Variants in SYT7 observed in about 807,000 individuals in gnomAD.
The protein encoded by SYT7 is synaptotagmin 7.
In SYT7, 29 loss-of-function variants were observed where a neutral mutation model predicts 75.1. The observed-to-expected ratio is 0.39, with a 90% CI of 0.29 to 0.53. The LOEUF is 0.53. Ranked by LOEUF, SYT7 falls within the 20% of genes least tolerant of loss-of-function variation. SYT7 has a pLI of 0.77. For synonymous variants in SYT7, 376 were observed against 401.7 expected (o/e 0.94, Z 0.76); for missense variants, 693 against 953.2 (o/e 0.73, Z 3.59).
chr11:61,527,143 G>A (rs969114380), intron 9 of SYT7, among the ~76,000 whole-genome samples: 1 of 152,156 alleles, frequency 6.6e-6, no homozygotes, highest in Non-Finnish European at 1.5e-5. Context: ...GGGCTTGCAG[G>A]AGAGAGAAAG....
In SYT7 at chr11:61,516,560, T is replaced by C. The variant is rs1590802765; in HGVS notation, c.*2067A>G. The C allele has an allele frequency of 6.6e-6, 1 of 151,450 alleles. No homozygotes were observed. Among genetic ancestry groups the C allele is most frequent in the Non-Finnish European group, 1.5e-5 (1 of 67,852 alleles). 9.4% of individuals were successfully genotyped at this position (151,450 alleles called of 1,614,324 possible). ...AACCGAGGCGGATCCAAGAGAGGAG[T>C]GGAGAAGGGCAGATCCCCTCCTCCG... On this transcript the variant is annotated 3_prime_UTR_variant, in exon 13 of 13. Transcript: ENST00000539008. The surrounding 1 kb of genome is among the most constrained non-coding windows in gnomAD (Gnocchi z 4.6).
rs1489632909 is a variant in SYT7 at position 61,546,642 on chromosome 11, C to T, written c.348-387G>A. On this transcript the variant is annotated intron_variant, in intron 4 of 12. Transcript: ENST00000539008. The surrounding 1 kb of genome is among the most constrained non-coding windows in gnomAD (Gnocchi z 7.6). ...ATCCCACAGGACAACGAAGGGTTAA[C>T]GACGGAGGAAGAGCGGGCTGTCCAG... 6.4e-6 allele frequency: 3 copies of T among 467,186 alleles called. No homozygotes were observed. The highest frequency in any genetic ancestry group is 4.6e-5 in the South Asian group (3 of 64,658). The allele number at this position is 467,186 out of a possible 1,614,324, so 28.9% of individuals were successfully genotyped here.
Position 61,551,516 on chromosome 11 carries a change from A to T in SYT7, c.136-53T>A. The T allele has an allele frequency of 6.4e-7, 1 of 1,563,066 alleles. No individual in the cohort carries two copies. The highest frequency in any genetic ancestry group is 8.8e-7 in the Non-Finnish European group (1 of 1,137,674). On this transcript the variant is annotated intron_variant, in intron 2 of 12. Transcript: ENST00000539008. This position sits in a 1 kb window ranked among gnomAD's most constrained non-coding sequence, Gnocchi z 5.3. ...TGGGGAACAGGACTGTACCCTCCCT[A>T]CCTCCCCAGAACAGGGACCCGGAGG...
chr11:61,578,860 C>A (rs2064157196), intron 1 of SYT7, among the ~76,000 whole-genome samples: 1 of 152,220 alleles, frequency 6.6e-6, no homozygotes, highest in Non-Finnish European at 1.5e-5. Context: ...GGTCCCGCAG[C>A]TGCAACTGGG....
chr11:61,537,916 C>A, intron 7 of SYT7, among the ~76,000 whole-genome samples: 1 of 152,198 alleles, frequency 6.6e-6, no homozygotes, highest in African/African-American at 2.4e-5. Context: ...GAGAGCAGGC[C>A]TGATCCAGAA....
At position 61,514,617 on chromosome 11, in the gene SYT7, G is replaced by A. The variant is rs1481082391; in HGVS notation, c.*4010C>T. Among the ~76,000 whole-genome samples, 1 of 152,200 alleles carries A rather than the reference G, an allele frequency of 6.6e-6. No individual in the cohort carries two copies. The highest frequency in any genetic ancestry group is 1.5e-5 in the Non-Finnish European group (1 of 68,038). On this transcript the variant is annotated 3_prime_UTR_variant, in exon 13 of 13. Transcript: ENST00000539008. ...TGGGCTGGGTGGGGAAGAAAGGGCAGGGGATGGGGATGGTTATTGCTTTGT... is the reference window on the plus strand; with the variant it reads ...TGGGCTGGGTGGGGAAGAAAGGGCAAGGGATGGGGATGGTTATTGCTTTGT...
intron 7 of SYT7, among the ~76,000 whole-genome samples, chr11:61,534,458 T>C (rs1468735424): frequency 8.9e-6 from 1 of 112,366 alleles, no homozygotes; most frequent in South Asian, 2.9e-4. Flanking sequence ...CACACGCACG[T>C]GCGTGCATAT....
chr11:61,526,926 T>C (rs1025373374), intron 9 of SYT7, among the ~76,000 whole-genome samples: 3 of 152,128 alleles, frequency 2.0e-5, no homozygotes, highest in African/African-American at 7.2e-5. Context: ...ACGGTGAAGA[T>C]TCTGGAAGGC....
intron 12 of SYT7, among the ~76,000 whole-genome samples, chr11:61,522,740 G>A (rs895310040): frequency 4.6e-5 from 7 of 152,094 alleles, no homozygotes; most frequent in African/African-American, 1.4e-4. Flanking sequence ...ATGGGACCCC[G>A]GGCAATACTG....
At chr11:61,528,286 A>C in intron 8 of SYT7, 101 bp from the exon 9 acceptor site, 1 of 1,423,496 alleles carries the variant, frequency 7.0e-7, no homozygotes, top group Non-Finnish European at 9.5e-7. Context: ...GCGGTGGCCC[A>C]GCCCACACTC....
In SYT7 at chr11:61,546,433, CAGAG is replaced by C. The variant is rs139499352; in HGVS notation, c.348-182_348-179del. 2.5e-4 allele frequency: 137 copies of C among 544,732 alleles called. No homozygotes were observed. The highest frequency in any genetic ancestry group is 3.4e-4 in the Admixed American group (10 of 29,002). 33.7% of individuals were successfully genotyped at this position (544,732 alleles called of 1,614,324 possible). A position where few individuals can be genotyped will look rare whatever the true frequency, so the allele number is the denominator to read the frequency against. ...GAGAGACAGACGGACATGAGACAGA[CAGAG>C]AGAGAGAGAGAGACATCAGCACTGC... On this transcript the variant is annotated intron_variant, in intron 4 of 12. Coordinates refer to ENST00000539008, the MANE Select transcript of SYT7 (RefSeq NM_001365809.2). This position sits in a 1 kb window ranked among gnomAD's most constrained non-coding sequence, Gnocchi z 7.6.
chr11:61,524,017 C>G lies in SYT7; in HGVS notation c.1642-76G>C. 6 of 1,323,966 alleles carry G rather than the reference C, an allele frequency of 4.5e-6. No homozygotes were observed. The highest frequency in any genetic ancestry group is 6.5e-6 in the Non-Finnish European group (6 of 923,458). 82.0% of individuals were successfully genotyped at this position (1,323,966 alleles called of 1,614,324 possible). A position where few individuals can be genotyped will look rare whatever the true frequency, so the allele number is the denominator to read the frequency against. ...TGATTGGCCTAGCTGCCCCCAGGTC[C>G]CCTCTACCCTGACCTTGGTGCTTAC... is the stretch of plus-strand genomic sequence containing the variant. On this transcript the variant is annotated intron_variant, in intron 10 of 12. Coordinates refer to ENST00000539008, the MANE Select transcript of SYT7 (RefSeq NM_001365809.2). This position sits in a 1 kb window ranked among gnomAD's most constrained non-coding sequence, Gnocchi z 4.1.
At position 61,563,477 on chromosome 11, in the gene SYT7, C is replaced by T. The variant is rs114713767; in HGVS notation, c.32-7270G>A. 3.5e-3 allele frequency among the ~76,000 whole-genome samples: 529 copies of T among 152,336 alleles called. 2 individuals are homozygous for T. Among genetic ancestry groups the T allele is most frequent in the African/African-American group, 0.012 (516 of 41,568 alleles). ...TTTACATGCACCATCTCCACAACCTCGGACCATTATTATCTCCATTTCACA... is the reference window on the plus strand; with the variant it reads ...TTTACATGCACCATCTCCACAACCTTGGACCATTATTATCTCCATTTCACA... On this transcript the variant is annotated intron_variant, in intron 1 of 12. Coordinates refer to ENST00000539008, the MANE Select transcript of SYT7 (RefSeq NM_001365809.2).
intron 7 of SYT7, chr11:61,533,669 G>A: frequency 1.0e-6 from 1 of 985,444 alleles, no homozygotes. Flanking sequence ...GACCAGGTGA[G>A]GTCAGGACAA....
chr11:61,521,004 C>G (rs754226200), intron 12 of SYT7, among the ~76,000 whole-genome samples: 11 of 152,324 alleles, frequency 7.2e-5, no homozygotes, highest in Non-Finnish European at 1.3e-4. Context: ...AGTGGCCTGC[C>G]TCTGTGTGGT....
chr11:61,563,274 C>T (rs745756677), intron 1 of SYT7, among the ~76,000 whole-genome samples: 28 of 152,226 alleles, frequency 1.8e-4, no homozygotes, highest in Non-Finnish European at 3.5e-4. Context: ...CCTGGGTTTA[C>T]GCCCCAGCCC....
rs116470750 is a variant in SYT7, at chr11:61,560,067, C to T, written c.32-3860G>A. Among the ~76,000 whole-genome samples, 120 of 152,236 alleles carry T rather than the reference C, an allele frequency of 7.9e-4. 1 individual carries two copies. The highest frequency in any genetic ancestry group is 2.9e-3 in the African/African-American group (119 of 41,552). Reference sequence around the variant, plus strand: ...CCAGGTGCTCCACATGCAGTCACAACGACAACAGAGATAAGCATTATGAGT... The same window carrying T: ...CCAGGTGCTCCACATGCAGTCACAATGACAACAGAGATAAGCATTATGAGT... On this transcript the variant is annotated intron_variant, in intron 1 of 12. Coordinates refer to ENST00000539008, the MANE Select transcript of SYT7 (RefSeq NM_001365809.2).
Position 61,514,001 on chromosome 11 carries a change from CA to C in SYT7, c.*4625del, listed in dbSNP as rs1235607472. On this transcript the variant is annotated 3_prime_UTR_variant, in exon 13 of 13. Transcript: ENST00000539008. Reference sequence around the variant, plus strand: ...CAGCCTTCCAGAAAGCAGCAGTATCCAGGGGGGGACTCACAGGAGAAAGAAA... The same window carrying C: ...CAGCCTTCCAGAAAGCAGCAGTATCCGGGGGGGACTCACAGGAGAAAGAAA... Among the ~76,000 whole-genome samples the C allele has an allele frequency of 2.0e-4, 30 of 151,640 alleles. No individual in the cohort carries two copies. Among genetic ancestry groups the C allele is most frequent in the Admixed American group, 1.7e-3 (26 of 15,230 alleles).
intron 1 of SYT7, among the ~76,000 whole-genome samples, chr11:61,560,272 T>C (rs2063602711): frequency 6.6e-6 from 1 of 152,272 alleles, no homozygotes; most frequent in South Asian, 2.1e-4. Context: ...ACCCCTAGGG[T>C]TGCCTGGAGT....
Sources: gnomAD v4.1 joint callset for allele counts (sites outside exome capture counted in the v4.1 genomes callset) on GRCh38, gnomAD v4.1.1 for gene constraint, Gnocchi (gnomAD v3.1) non-coding constraint, MANE v1.5 for transcripts, NCBI Gene and HGNC (gene_info 2026-07-23, HGNC 2026-07-21) for gene names.